LRRC7: variants seen among roughly 807,000 people sequenced by gnomAD.
LRRC7 encodes leucine-rich repeat-containing protein 7.
Under a neutral mutation model 175.7 loss-of-function variants are expected in LRRC7, and 23 were observed. The ratio of observed to expected loss-of-function variants is 0.13; its 90% CI spans 0.09 to 0.19. The LOEUF is 0.19. Among genes scored for constraint, LRRC7 ranks in the 10% least tolerant of loss-of-function variants. The pLI, the probability that LRRC7 is intolerant of heterozygous loss-of-function variation, is 1.00. For synonymous variants in LRRC7, 685 were observed against 680.9 expected (o/e 1.01, Z -0.09); for missense variants, 1,354 against 1,904.7 (o/e 0.71, Z 5.38).
chr1:69,846,562 G>A (rs544837262), intron 7 of LRRC7, among the ~76,000 whole-genome samples: 3 of 152,148 alleles, frequency 2.0e-5, no homozygotes, highest in Admixed American at 1.3e-4. Context: ...CTTCTGTTTC[G>A]CTGAGAAGAG....
At chr1:69,809,340 G>A (rs150484126) in intron 4 of LRRC7, among the ~76,000 whole-genome samples, 2 of 152,128 alleles carry the variant, frequency 1.3e-5, no homozygotes, top group Non-Finnish European at 2.9e-5. Flanking sequence ...AATTCTACCA[G>A]AGGTAAAAAG....
chr1:69,648,219 A>G (rs982587016), intron 1 of LRRC7, among the ~76,000 whole-genome samples: 17 of 152,126 alleles, frequency 1.1e-4, no homozygotes, highest in Non-Finnish European at 1.5e-5. Context: ...GAGTGTGTGT[A>G]ACATTTAGTG....
chr1:69,640,841 G>C (rs1034142992), intron 1 of LRRC7, among the ~76,000 whole-genome samples: 1 of 151,426 alleles, frequency 6.6e-6, no homozygotes, highest in Non-Finnish European at 1.5e-5. Flanking sequence ...ATCAATAAAG[G>C]TTGTTAATGC....
At chr1:69,902,286 G>A (rs1646156220) in intron 7 of LRRC7, among the ~76,000 whole-genome samples, 1 of 152,148 alleles carries the variant, frequency 6.6e-6, no homozygotes, top group African/African-American at 2.4e-5. Context: ...AGCTTTAATT[G>A]GGACCAGGTG....
In LRRC7 at chr1:69,676,305, G is replaced by A. The variant is rs75252944; in HGVS notation, c.3-2076G>A. On this transcript the variant is annotated intron_variant, in intron 1 of 26. Coordinates refer to ENST00000651989, the MANE Select transcript of LRRC7 (RefSeq NM_001370785.2). ...TAGGAGACCCTCTGCCAGTATACCC[G>A]TAATAATCACACTGTTTTCAATGGT... is the stretch of plus-strand genomic sequence containing the variant. Among the ~76,000 whole-genome samples, 759 of 152,052 alleles carry A rather than the reference G, an allele frequency of 5.0e-3. 10 individuals are homozygous for A. Among genetic ancestry groups the A allele is most frequent in the African/African-American group, 0.017 (702 of 41,506 alleles).
intron 13 of LRRC7, among the ~76,000 whole-genome samples, chr1:70,013,304 T>C (rs962205312): frequency 1.3e-5 from 2 of 151,902 alleles, no homozygotes; most frequent in Admixed American, 6.6e-5. Context: ...ATGTAATGTA[T>C]TAAAATTATA....
At chr1:69,800,741 G>T (rs1676378380) in intron 4 of LRRC7, among the ~76,000 whole-genome samples, 3 of 151,580 alleles carry the variant, frequency 2.0e-5, no homozygotes, top group Non-Finnish European at 1.5e-5. Flanking sequence ...CTTTCTCTTG[G>T]TTGAATACTC....
At chr1:69,843,453 T>A (rs994414710) in intron 7 of LRRC7, among the ~76,000 whole-genome samples, 1 of 152,092 alleles carries the variant, frequency 6.6e-6, no homozygotes, top group African/African-American at 2.4e-5. Flanking sequence ...AAGGAATTAT[T>A]TAAGAGAAAA....
intron 1 of LRRC7, among the ~76,000 whole-genome samples, chr1:69,575,902 T>C (rs79620633): frequency 0.094 from 14,356 of 152,074 alleles, 743 homozygotes; most frequent in South Asian, 0.11. Context: ...TACAATACAG[T>C]TGGAATTTGT....
chr1:69,759,550 C>A (rs372432603), intron 2 of LRRC7, among the ~76,000 whole-genome samples: 2 of 151,934 alleles, frequency 1.3e-5, no homozygotes, highest in South Asian at 2.1e-4. Context: ...AAAGATAGAT[C>A]CCCATTTGGA....
intron 1 of LRRC7, among the ~76,000 whole-genome samples, chr1:69,583,755 T>C (rs929372915): frequency 1.3e-5 from 2 of 152,158 alleles, no homozygotes; most frequent in Non-Finnish European, 2.9e-5. Context: ...GCAAAGTCAT[T>C]TGAATTGTTT....
At position 69,613,372 on chromosome 1, in the gene LRRC7, A is replaced by G. The variant is rs1046263329; in HGVS notation, c.2+44731A>G. Among the ~76,000 whole-genome samples the G allele has an allele frequency of 2.0e-5, 3 of 152,056 alleles. No individual in the cohort carries two copies. In the East Asian group the frequency reaches 5.8e-4, roughly 29 times the overall value. Reference sequence around the variant, plus strand: ...CTATGACCTAATTACCTACTTCCCAAAGGCCTCACCTCTAGATATTAGTAT... The same window carrying G: ...CTATGACCTAATTACCTACTTCCCAGAGGCCTCACCTCTAGATATTAGTAT... On this transcript the variant is annotated intron_variant, in intron 1 of 26. Coordinates refer to ENST00000651989, the MANE Select transcript of LRRC7 (RefSeq NM_001370785.2).
intron 22 of LRRC7, among the ~76,000 whole-genome samples, chr1:70,051,521 CAG>C (rs1660742261): frequency 1.3e-5 from 2 of 151,946 alleles, no homozygotes; most frequent in African/African-American, 4.8e-5. Flanking sequence ...TGCTGGAAAA[CAG>C]ACAGTCGTTG....
In LRRC7 at chr1:69,666,430, G is replaced by A. The variant is rs140221946; in HGVS notation, c.3-11951G>A. Among the ~76,000 whole-genome samples the A allele has an allele frequency of 2.4e-4, 36 of 152,144 alleles. 1 individual carries two copies. The highest frequency in any genetic ancestry group is 3.4e-3 in the Middle Eastern group (1 of 294). On this transcript the variant is annotated intron_variant, in intron 1 of 26. Transcript: ENST00000651989. ...TAAGTGTTTGGTAGAATTCATCAGC[G>A]ATACCATTCGGTCCTAGGCTTTTCT...
At chr1:70,095,854 T>A (rs936806548) in intron 25 of LRRC7, among the ~76,000 whole-genome samples, 8 of 152,312 alleles carry the variant, frequency 5.3e-5, no homozygotes, top group Middle Eastern at 3.4e-3. Context: ...ATCAATAAGA[T>A]CTTACATAAT....
intron 2 of LRRC7, among the ~76,000 whole-genome samples, chr1:69,700,777 T>A (rs1663243757): frequency 6.6e-6 from 1 of 152,338 alleles, no homozygotes; most frequent in South Asian, 2.1e-4. Flanking sequence ...ACCATTAATA[T>A]GACTCAGTTC....
intron 7 of LRRC7, among the ~76,000 whole-genome samples, chr1:69,857,842 G>T (rs560221639): frequency 1.7e-4 from 26 of 152,040 alleles, no homozygotes; most frequent in Non-Finnish European, 3.1e-4. Flanking sequence ...GAGGCATCAC[G>T]CTACCTGACT....
At chr1:69,864,193 C>T (rs1432387776) in intron 7 of LRRC7, among the ~76,000 whole-genome samples, 1 of 152,102 alleles carries the variant, frequency 6.6e-6, no homozygotes, top group Non-Finnish European at 1.5e-5. Flanking sequence ...TTTCATTGTG[C>T]TAGAATTGTT....
chr1:69,652,162 G>A (rs1655933580), intron 1 of LRRC7, among the ~76,000 whole-genome samples: 1 of 151,962 alleles, frequency 6.6e-6, no homozygotes, highest in Non-Finnish European at 1.5e-5. Flanking sequence ...AGAACAATTA[G>A]GCAAGAAAAA....
Sources: gnomAD v4.1 joint callset for allele counts (sites outside exome capture counted in the v4.1 genomes callset) on GRCh38, gnomAD v4.1.1 for gene constraint, MANE v1.5 for transcripts, NCBI Gene and HGNC (gene_info 2026-07-23, HGNC 2026-07-21) for gene names.